Variants in RARB observed in about 807,000 individuals in gnomAD.
RARB encodes retinoic acid receptor beta.
A neutral mutation model predicts 51.9 loss-of-function variants in RARB; 17 were observed. That is an observed-to-expected ratio of 0.33 (90% confidence interval 0.22 to 0.49). RARB has a LOEUF of 0.49. Among genes scored for constraint, RARB ranks in the 20% least tolerant of loss-of-function variants. The probability of loss-of-function intolerance (pLI) is 0.99; values close to 1 mark genes in which losing one functional copy is unlikely to be tolerated. For missense variants in RARB, 369 were observed against 550.8 expected (o/e 0.67, Z 3.30); for synonymous variants, 215 against 195.4 (o/e 1.10, Z -0.84).
intron 3 of RARB, among the ~76,000 whole-genome samples, chr3:25,501,935 G>T (rs965034909): frequency 1.3e-5 from 2 of 152,212 alleles, no homozygotes; most frequent in Middle Eastern, 3.2e-3. Context: ...ATGGGGATTT[G>T]AAATATACCG....
chr3:25,012,685 TTTAG>T (rs988413813), intron 2 of RARB, among the ~76,000 whole-genome samples: 10 of 152,182 alleles, frequency 6.6e-5, no homozygotes, highest in Admixed American at 3.3e-4. Flanking sequence ...TTTTATTTCC[TTTAG>T]TTAGCTGGAA....
chr3:25,240,895 T>C (rs1280322443), intron 5 of RARB, among the ~76,000 whole-genome samples: 3 of 152,194 alleles, frequency 2.0e-5, no homozygotes, highest in African/African-American at 7.2e-5. Flanking sequence ...TTTAGAATTG[T>C]TTGAGAAGAA....
At chr3:24,998,937 A>G (rs1697100844) in intron 2 of RARB, among the ~76,000 whole-genome samples, 1 of 152,292 alleles carries the variant, frequency 6.6e-6, no homozygotes, top group South Asian at 2.1e-4. Flanking sequence ...ATTATCTTGC[A>G]GAAGTCACCT....
intron 4 of RARB, among the ~76,000 whole-genome samples, chr3:25,139,405 G>C (rs553227189): frequency 6.6e-6 from 1 of 152,284 alleles, no homozygotes; most frequent in South Asian, 2.1e-4. Flanking sequence ...CAGCCTTATT[G>C]CTGATACGGA....
At chr3:25,461,071 G>C (rs1695155046) in intron 1 of RARB, 122 bp from the exon 2 acceptor site, 4 of 1,140,940 alleles carry the variant, frequency 3.5e-6, no homozygotes, top group Non-Finnish European at 3.6e-6. Flanking sequence ...GTTTTTATGA[G>C]CCCATTCTTG....
intron 5 of RARB, among the ~76,000 whole-genome samples, chr3:25,308,448 C>CTTTT (rs549224085): frequency 4.6e-4 from 60 of 130,696 alleles, no homozygotes; most frequent in East Asian, 6.6e-4. Flanking sequence ...TTCTTTCTTT[C>CTTTT]TTTTTTTTTT....
At chr3:24,840,418 G>A (rs1702405240) in intron 1 of RARB, among the ~76,000 whole-genome samples, 1 of 152,164 alleles carries the variant, frequency 6.6e-6, no homozygotes, top group African/African-American at 2.4e-5. Flanking sequence ...GGTGGATGGA[G>A]GGTTTTCCCC....
At chr3:25,339,595 TTA>T (rs1491222503) in intron 5 of RARB, among the ~76,000 whole-genome samples, 14 of 151,930 alleles carry the variant, frequency 9.2e-5, no homozygotes, top group African/African-American at 2.7e-4. Flanking sequence ...TTTTTTTTTT[TTA>T]ATCACACTGT....
At chr3:24,936,720 C>G (rs1370253031) in intron 2 of RARB, among the ~76,000 whole-genome samples, 2 of 152,208 alleles carry the variant, frequency 1.3e-5, no homozygotes, top group African/African-American at 2.4e-5. Context: ...TGGCACTAGC[C>G]TAATCTTTAA....
intron 2 of RARB, among the ~76,000 whole-genome samples, chr3:25,498,032 T>G (rs939978668): frequency 2.6e-5 from 4 of 152,198 alleles, no homozygotes; most frequent in Non-Finnish European, 5.9e-5. Flanking sequence ...CTGGGGCTCC[T>G]GGCCTGCAGC....
At chr3:25,042,759 A>C (rs1385335321) in intron 2 of RARB, among the ~76,000 whole-genome samples, 1 of 152,246 alleles carries the variant, frequency 6.6e-6, no homozygotes, top group Non-Finnish European at 1.5e-5. Flanking sequence ...GTTCACTTCC[A>C]AGTTCCTATT....
intron 5 of RARB, among the ~76,000 whole-genome samples, chr3:25,403,214 G>A (rs1373788485): frequency 1.3e-5 from 2 of 151,736 alleles, no homozygotes; most frequent in Non-Finnish European, 2.9e-5. Flanking sequence ...ACAACAGGGT[G>A]ACTGTAGTCA....
At chr3:25,215,515 G>T (rs995991887) in intron 5 of RARB, among the ~76,000 whole-genome samples, 4 of 152,142 alleles carry the variant, frequency 2.6e-5, no homozygotes, top group African/African-American at 9.7e-5. Context: ...GGGGTCATCT[G>T]TATTGCCTCT....
At chr3:25,111,241 A>G (rs1484464856) in intron 3 of RARB, among the ~76,000 whole-genome samples, 2 of 152,210 alleles carry the variant, frequency 1.3e-5, no homozygotes, top group Admixed American at 1.3e-4. Context: ...ATTCAGTGGC[A>G]TAATTTTAGG....
chr3:25,148,228 G>A (rs980935993), intron 4 of RARB, among the ~76,000 whole-genome samples: 1 of 151,160 alleles, frequency 6.6e-6, no homozygotes, highest in African/African-American at 2.4e-5. Flanking sequence ...CCAATCAGGG[G>A]GGCATTTTGC....
intron 3 of RARB, among the ~76,000 whole-genome samples, chr3:25,126,698 A>T (rs950423789): frequency 6.6e-6 from 1 of 152,118 alleles, no homozygotes; most frequent in African/African-American, 2.4e-5. Context: ...AATAACTTTC[A>T]TCTCCTGAAA....
chr3:25,454,430 A>G (rs1694787748), intron 1 of RARB, among the ~76,000 whole-genome samples: 2 of 152,170 alleles, frequency 1.3e-5, no homozygotes, highest in African/African-American at 2.4e-5. Flanking sequence ...ACTCCCTTCC[A>G]CTGGGATTCG....
At chr3:25,588,808 T>G (rs1701505222) in intron 5 of RARB, among the ~76,000 whole-genome samples, 1 of 152,196 alleles carries the variant, frequency 6.6e-6, no homozygotes, top group Non-Finnish European at 1.5e-5. Context: ...TGGGGCTGGT[T>G]AACTGTCCTC....
intron 2 of RARB, among the ~76,000 whole-genome samples, chr3:24,968,945 C>A (rs1436460458): frequency 6.6e-6 from 1 of 151,930 alleles, no homozygotes. Context: ...CTTCTAATGC[C>A]AAGTACTTTT....
Sources: gnomAD v4.1 joint callset for allele counts (sites outside exome capture counted in the v4.1 genomes callset) on GRCh38, gnomAD v4.1.1 for gene constraint, MANE v1.5 for transcripts, NCBI Gene and HGNC (gene_info 2026-07-23, HGNC 2026-07-21) for gene names.